Variants in PPHLN1 observed in about 807,000 individuals in gnomAD.
PPHLN1 encodes periphilin-1.
PPHLN1 carries 29 observed loss-of-function variants against 51.3 expected under a neutral mutation model. That is an observed-to-expected ratio of 0.57 (90% CI 0.42 to 0.77). PPHLN1 has a LOEUF of 0.77. PPHLN1 is among the 30% of genes least tolerant of loss of function. The probability of loss-of-function intolerance (pLI) is 0.00; values close to 1 mark genes in which losing one functional copy is unlikely to be tolerated. For missense variants in PPHLN1, 436 were observed against 438.4 expected, an observed-to-expected ratio of 0.99 and a Z score of 0.05; for synonymous variants, 147 against 147.8, an observed-to-expected ratio of 0.99 and a Z score of 0.04.
chr12:42,339,282 T>C (rs2071136774), intron 2 of PPHLN1, among the ~76,000 whole-genome samples: 1 of 152,192 alleles, frequency 6.6e-6, no homozygotes, highest in Non-Finnish European at 1.5e-5. Flanking sequence ...ATTAGATTGG[T>C]CTTTCTGTTC....
chr12:42,368,957 T>G (rs947037655), intron 4 of PPHLN1, among the ~76,000 whole-genome samples: 1 of 152,222 alleles, frequency 6.6e-6, no homozygotes, highest in Non-Finnish European at 1.5e-5. Context: ...TTGAAAACTT[T>G]CAGGACGTGC....
At chr12:42,330,233 A>G (rs1324422405) in intron 1 of PPHLN1, among the ~76,000 whole-genome samples, 1 of 152,202 alleles carries the variant, frequency 6.6e-6, no homozygotes, top group African/African-American at 2.4e-5. Flanking sequence ...GAACAAATGT[A>G]CAATCGGGTT....
intron 4 of PPHLN1, among the ~76,000 whole-genome samples, chr12:42,362,412 C>T (rs963253056): frequency 6.6e-6 from 1 of 151,816 alleles, no homozygotes; most frequent in Non-Finnish European, 1.5e-5. Flanking sequence ...TTTTGTTACT[C>T]ATGCTTTTGG....
intron 4 of PPHLN1, among the ~76,000 whole-genome samples, chr12:42,372,981 T>C (rs924563708): frequency 7.2e-5 from 11 of 152,230 alleles, no homozygotes; most frequent in Non-Finnish European, 1.6e-4. Flanking sequence ...TTCTTGTATA[T>C]GTAAAATTTG....
chr12:42,353,878 TG>T (rs2073712403), intron 3 of PPHLN1, among the ~76,000 whole-genome samples: 1 of 152,204 alleles, frequency 6.6e-6, no homozygotes, highest in Admixed American at 6.5e-5. Context: ...TTTCTAATAT[TG>T]TTACCAATTG....
At chr12:42,332,700 CAAGT>C in intron 1 of PPHLN1, 2 of 1,527,196 alleles carry the variant, frequency 1.3e-6, no homozygotes, top group South Asian at 1.1e-5. Context: ...TAAAAGGACT[CAAGT>C]AAGTATAGTA....
chr12:42,364,622 T>C (rs2075066295), intron 4 of PPHLN1, among the ~76,000 whole-genome samples: 1 of 152,014 alleles, frequency 6.6e-6, no homozygotes, highest in South Asian at 2.1e-4. Context: ...AGACTCTGTC[T>C]CAAAAAATTT....
At chr12:42,363,853 A>G (rs995556354) in intron 4 of PPHLN1, among the ~76,000 whole-genome samples, 1 of 152,104 alleles carries the variant, frequency 6.6e-6, no homozygotes, top group African/African-American at 2.4e-5. Context: ...AACATGCTAT[A>G]CTCTACCAAG....
chr12:42,422,985 T>C (rs886578060), intron 9 of PPHLN1, among the ~76,000 whole-genome samples: 2 of 152,230 alleles, frequency 1.3e-5, no homozygotes, highest in African/African-American at 4.8e-5. Context: ...ACCTTGAGCA[T>C]AAAGTGGAAG....
chr12:42,400,913 T>C (rs12230215), intron 9 of PPHLN1, among the ~76,000 whole-genome samples: 22,906 of 152,048 alleles, frequency 0.15, 1,791 homozygotes, highest in Admixed American at 0.2. Context: ...TTAATAGATA[T>C]TTACATCTGT....
intron 5 of PPHLN1, among the ~76,000 whole-genome samples, chr12:42,384,622 T>C (rs1372032280): frequency 6.6e-6 from 1 of 152,218 alleles, no homozygotes; most frequent in Non-Finnish European, 1.5e-5. Flanking sequence ...GTGATCTTTG[T>C]CTTCAACTTT....
chr12:42,351,185 A>G (rs1050265533), intron 2 of PPHLN1, among the ~76,000 whole-genome samples: 2 of 151,962 alleles, frequency 1.3e-5, no homozygotes, highest in Non-Finnish European at 2.9e-5. Flanking sequence ...GTAGCTCTCT[A>G]CTTCTTTCTG....
chr12:42,438,763 G>A (rs1198140721), intron 9 of PPHLN1, among the ~76,000 whole-genome samples: 1 of 151,954 alleles, frequency 6.6e-6, no homozygotes, highest in African/African-American at 2.4e-5. Context: ...CACCACGCCC[G>A]GCTAATTTTT....
intron 9 of PPHLN1, among the ~76,000 whole-genome samples, chr12:42,405,899 A>G (rs1423419796): frequency 6.6e-6 from 1 of 152,110 alleles, no homozygotes; most frequent in Non-Finnish European, 1.5e-5. Flanking sequence ...ATACAGAAAG[A>G]AGAGTGTTCA....
chr12:42,420,341 A>G (rs1285836682), intron 9 of PPHLN1, among the ~76,000 whole-genome samples: 1 of 151,838 alleles, frequency 6.6e-6, no homozygotes, highest in Non-Finnish European at 1.5e-5. Flanking sequence ...TTTGAAAAAG[A>G]CAATATAAAT....
At chr12:42,400,651 A>T (rs1486170691) in intron 9 of PPHLN1, among the ~76,000 whole-genome samples, 1 of 152,098 alleles carries the variant, frequency 6.6e-6, no homozygotes, top group East Asian at 1.9e-4. Context: ...CTGGAATTAT[A>T]GGTGTGAGCC....
intron 2 of PPHLN1, chr12:42,350,245 AC>A (rs1646952338): frequency 1.3e-5 from 2 of 157,516 alleles, no homozygotes; most frequent in South Asian, 4.0e-4. Context: ...CACCTCCCAG[AC>A]GGGGTGGTGG....
chr12:42,446,086 C>T, downstream of PPHLN1: 1 of 1,551,516 alleles, frequency 6.4e-7, no homozygotes, highest in Non-Finnish European at 8.7e-7. Flanking sequence ...CCCCGCAGGC[C>T]CCGCAGCCCC....
At position 42,385,001 on chromosome 12, in the gene PPHLN1, G is replaced by T; in HGVS notation, c.568+5G>T. The stretch of plus-strand genomic sequence containing the variant: ...ATGAAGGAAATCCTGAAAGAGGTGA[G>T]TTTTGAGCTAGACTCTGATTTGGGA... On this transcript the variant is annotated splice_donor_5th_base_variant and intron_variant, in intron 6 of 9. Transcript: ENST00000358314. 1 of 1,601,816 alleles carries T rather than the reference G, an allele frequency of 6.2e-7. No homozygotes were observed. Among genetic ancestry groups the T allele is most frequent in the Non-Finnish European group, 8.6e-7 (1 of 1,168,828 alleles).
Sources: allele counts gnomAD v4.1 joint callset (sites outside exome capture counted in the v4.1 genomes callset), GRCh38; gene constraint gnomAD v4.1.1; transcripts MANE v1.5; gene names NCBI Gene and HGNC (gene_info 2026-07-23, HGNC 2026-07-21).